Variants in PAPLN observed in about 807,000 individuals in gnomAD.
The protein encoded by PAPLN is papilin, proteoglycan like sulfated glycoprotein, also known as papilin.
A neutral mutation model predicts 159.0 loss-of-function variants in PAPLN; 146 were observed. That is an observed-to-expected ratio of 0.92 (90% CI 0.80 to 1.05). The LOEUF (loss-of-function observed/expected upper bound fraction) is 1.05, where lower values mean the gene tolerates loss of function less well. Ranked by LOEUF, PAPLN falls within the 50% of genes least tolerant of loss-of-function variation. The pLI, the probability that PAPLN is intolerant of heterozygous loss-of-function variation, is 0.00. For synonymous variants in PAPLN, 734 were observed against 702.9 expected (o/e 1.04, Z -0.70); for missense variants, 1,720 against 1,743.9 (o/e 0.99, Z 0.24).
intron 16 of PAPLN, among the ~76,000 whole-genome samples, chr14:73,259,989 C>T (rs112004491): frequency 1.5e-3 from 224 of 152,210 alleles, no homozygotes; most frequent in African/African-American, 4.8e-3. Context: ...CCTCCCTCTG[C>T]CCCTCCTCCT....
At chr14:73,263,526 C>A in intron 19 of PAPLN, 119 bp from the exon 20 acceptor site, 1 of 1,354,472 alleles carries the variant, frequency 7.4e-7, no homozygotes, top group Non-Finnish European at 1.0e-6. Context: ...GACCCTCTAG[C>A]CCCAAAAGTG....
chr14:73,252,727 C>T lies in PAPLN; in HGVS notation c.1046C>T (p.Pro349Leu). The change falls in exon 11 of 27, where the codon CCA becomes CTA. Residue 349 changes from proline (P) to leucine (L), a missense_variant. Transcript: ENST00000644200. ...PDHMCQRQPRPADRRSCNLHP... is the reference protein window; with the variant it reads ...PDHMCQRQPRLADRRSCNLHP... The stretch of plus-strand genomic sequence containing the variant: ...CACATGTGCCAGCGCCAGCCACGGC[C>T]AGCTGACCGGCGTTCCTGCAATCTT... 6.2e-7 allele frequency: 1 copy of T among 1,613,630 alleles called. No homozygotes were observed. Among genetic ancestry groups the T allele is most frequent in the East Asian group, 2.2e-5 (1 of 44,888 alleles).
intron 7 of PAPLN, 102 bp downstream of exon 7, chr14:73,251,132 C>G: frequency 6.6e-7 from 1 of 1,505,598 alleles, no homozygotes; most frequent in Non-Finnish European, 8.9e-7. Context: ...AAGTGGCCCT[C>G]ATGGCACTGG....
At position 73,259,384 on chromosome 14, in the gene PAPLN, C is replaced by T. The variant is rs140941630; in HGVS notation, c.1824C>T (p.Pro608=). The change falls in exon 16 of 27, where the codon CCC becomes CCT. Residue 608 remains proline, a synonymous_variant. Coordinates refer to ENST00000644200, the MANE Select transcript of PAPLN (RefSeq NM_001365906.3). ...DQGTHLSALG[P]APSLQQPPYQ... is the part of the protein sequence containing the mutation. ...GCACCCACCTGTCAGCCCTGGGCCCCGCTCCCTCTCTGCAGCAGCCCCCAT... is the reference window on the plus strand; with the variant it reads ...GCACCCACCTGTCAGCCCTGGGCCCTGCTCCCTCTCTGCAGCAGCCCCCAT... The T allele has an allele frequency of 6.2e-6, 10 of 1,612,434 alleles. 1 individual carries two copies. The highest frequency in any genetic ancestry group is 4.4e-5 in the South Asian group (4 of 90,754).
At chr14:73,248,108 C>T (rs867816606) in intron 5 of PAPLN, among the ~76,000 whole-genome samples, 141 of 27,022 alleles carry the variant, frequency 5.2e-3, no homozygotes, top group Middle Eastern at 0.029. Flanking sequence ...TGTGTGTGTG[C>T]GCGTGTGTGT....
At chr14:73,268,300 C>A (rs1887411776) in intron 25 of PAPLN, 3 of 413,108 alleles carry the variant, frequency 7.3e-6, no homozygotes, top group Non-Finnish European at 1.3e-5. Context: ...CTCACAGGCA[C>A]CCCAAATTTG....
At chr14:73,244,519 C>T (rs1457770572) in intron 2 of PAPLN, 125 bp from the exon 3 acceptor site, 2 of 765,264 alleles carry the variant, frequency 2.6e-6, no homozygotes, top group Non-Finnish European at 2.2e-6. Flanking sequence ...AAAGGTGGGC[C>T]CTGGAAGGGA....
intron 18 of PAPLN, chr14:73,262,052 C>T (rs1426746380): frequency 5.4e-5 from 20 of 367,106 alleles, no homozygotes; most frequent in Admixed American, 8.9e-5. Context: ...GGTCTGGTGG[C>T]AGGGAAGGCC....
chr14:73,258,340 C>A (rs921862330), intron 14 of PAPLN, among the ~76,000 whole-genome samples: 2 of 152,056 alleles, frequency 1.3e-5, no homozygotes, highest in African/African-American at 2.4e-5. Context: ...TGGAGAAATG[C>A]GTAAGTTCTT....
chr14:73,268,462 G>C (rs572288316), intron 25 of PAPLN, 95 bp from the exon 26 acceptor site: 10 of 1,313,010 alleles, frequency 7.6e-6, no homozygotes, highest in Admixed American at 4.5e-5. Context: ...GGGTGGGAAC[G>C]GTTGGCTCTG....
intron 20 of PAPLN, 69 bp downstream of exon 20, chr14:73,263,851 G>T: frequency 6.6e-7 from 1 of 1,510,654 alleles, no homozygotes; most frequent in Non-Finnish European, 8.9e-7. Flanking sequence ...ACAGGTGTGT[G>T]TGACAGCTCC....
At chr14:73,244,442 A>C in intron 2 of PAPLN, 1 of 529,086 alleles carries the variant, frequency 1.9e-6, no homozygotes, top group Non-Finnish European at 3.4e-6. Context: ...TCAGCTCCTT[A>C]TGAGGAAAGC....
At chr14:73,248,073 CTCTG>C (rs1229797579) in intron 5 of PAPLN, among the ~76,000 whole-genome samples, 4 of 50,986 alleles carry the variant, frequency 7.8e-5, no homozygotes, top group Non-Finnish European at 1.2e-4. Context: ...GTCTCATATC[CTCTG>C]TGTGTGTGTG....
rs374205092 is a variant in PAPLN, at chr14:73,250,000, A to G, written c.351A>G (p.Glu117=). The change falls in exon 6 of 27, where the codon GAA becomes GAG. Residue 117 remains glutamate (E), a synonymous_variant. Transcript: ENST00000644200. The part of the protein sequence containing the change: ...LPYYSAPNKC[E]LNCIPKGENF... ...CCACCCCAGCCCCAAACAAGTGTGAACTGAACTGCATTCCCAAGGGGGAGA... is the reference window on the plus strand; with the variant it reads ...CCACCCCAGCCCCAAACAAGTGTGAGCTGAACTGCATTCCCAAGGGGGAGA... 3.7e-6 allele frequency: 6 copies of G among 1,610,458 alleles called. No homozygotes were observed. The highest frequency in any genetic ancestry group is 5.1e-6 in the Non-Finnish European group (6 of 1,178,416).
At chr14:73,253,677 G>A (rs1238213896) in intron 11 of PAPLN, 77 bp from the exon 12 acceptor site, 12 of 1,383,096 alleles carry the variant, frequency 8.7e-6, no homozygotes, top group South Asian at 2.8e-5. Flanking sequence ...ACCTGTGTGA[G>A]TGAGGGCAGA....
At chr14:73,249,457 T>C (rs1407571807) in intron 5 of PAPLN, among the ~76,000 whole-genome samples, 3 of 152,160 alleles carry the variant, frequency 2.0e-5, no homozygotes, top group African/African-American at 7.2e-5. Flanking sequence ...GTGGATCACC[T>C]GAGGTCAGGA....
At chr14:73,239,578 C>T in intron 1 of PAPLN, 195 bp from the exon 2 acceptor site, 1 of 1,051,934 alleles carries the variant, frequency 9.5e-7, no homozygotes, top group South Asian at 1.9e-5. Context: ...TCCTTTCTTG[C>T]TCACATGTTG....
At chr14:73,244,615 A>G (rs1439389223) in intron 2 of PAPLN, 29 bp from the exon 3 acceptor site, 2 of 1,536,384 alleles carry the variant, frequency 1.3e-6, no homozygotes, top group Non-Finnish European at 1.8e-6. Flanking sequence ...TGAGTGGGCA[A>G]TGCTGATGCA....
Position 73,252,737 on chromosome 14 carries a change from G to C in PAPLN, c.1056G>C (p.Arg352=), listed in dbSNP as rs778723225. 336 of 1,613,580 alleles carry C rather than the reference G, an allele frequency of 2.1e-4. 3 individuals are homozygous for C. The East Asian group carries it at 7.4e-3, about 36-fold the overall frequency. ...AGCGCCAGCCACGGCCAGCTGACCG[G>C]CGTTCCTGCAATCTTCACCCTTGCC... ...MCQRQPRPAD[R]RSCNLHPCPE... The change falls in exon 11 of 27, where the codon CGG becomes CGC. Residue 352 remains arginine, a synonymous_variant. Coordinates refer to ENST00000644200, the MANE Select transcript of PAPLN (RefSeq NM_001365906.3).
Sources: gnomAD v4.1 joint callset for allele counts (sites outside exome capture counted in the v4.1 genomes callset) on GRCh38, gnomAD v4.1.1 for gene constraint, MANE v1.5 for transcripts, NCBI Gene and HGNC (gene_info 2026-07-23, HGNC 2026-07-21) for gene names.